The following XKR7 variants were observed in gnomAD, a reference collection of about 807,000 sequenced individuals.
The protein encoded by XKR7 is XK-related protein 7.
In XKR7, 11 loss-of-function variants were observed where a neutral mutation model predicts 42.2. The observed-to-expected ratio is 0.26, with a 90% CI of 0.16 to 0.43. XKR7 has a LOEUF of 0.43. Among genes scored for constraint, XKR7 ranks in the 20% least tolerant of loss-of-function variants. The pLI is 1.00. For synonymous variants in XKR7, 346 were observed against 366.4 expected, an observed-to-expected ratio of 0.94 and a Z score of 0.64; for missense variants, 710 against 802.2, an observed-to-expected ratio of 0.89 and a Z score of 1.39.
chr20:31,996,855 A>G lies in XKR7; in HGVS notation c.1138A>G (p.Ser380Gly). The change falls in exon 3 of 3, where the codon AGC becomes GGC. Residue 380 changes from serine (S) to glycine (G), a missense_variant. Transcript: ENST00000562532. ...FCWFNVKEGR[S>G]RRRMTLYHCI... is the part of the protein sequence containing the mutation. Reference sequence around the variant, plus strand: ...CTGGTTCAACGTCAAGGAGGGCCGCAGCCGCCGCCGCATGACCCTCTACCA... The same window carrying G: ...CTGGTTCAACGTCAAGGAGGGCCGCGGCCGCCGCCGCATGACCCTCTACCA... The G allele has an allele frequency of 6.2e-7, 1 of 1,613,778 alleles. No individual in the cohort carries two copies. The highest frequency in any genetic ancestry group is 8.5e-7 in the Non-Finnish European group (1 of 1,180,006).
At chr20:31,992,201 A>G (rs1198784835) in intron 1 of XKR7, among the ~76,000 whole-genome samples, 1 of 152,208 alleles carries the variant, frequency 6.6e-6, no homozygotes, top group Non-Finnish European at 1.5e-5. Context: ...ATCTTATAGC[A>G]TTATTTCACT....
At chr20:31,985,597 A>G (rs2064534313) in intron 1 of XKR7, among the ~76,000 whole-genome samples, 1 of 151,002 alleles carries the variant, frequency 6.6e-6, no homozygotes, top group Non-Finnish European at 1.5e-5. Context: ...CAGACAGACC[A>G]CCGAACAGAT....
At chr20:31,979,902 ACTGAGGTCC>A (rs1317384962) in intron 1 of XKR7, among the ~76,000 whole-genome samples, 2 of 152,062 alleles carry the variant, frequency 1.3e-5, no homozygotes, top group African/African-American at 4.8e-5. Context: ...AGATGGGGAA[ACTGAGGTCC>A]AGAGAGGAGA....
rs1023665562 is a variant in XKR7 at position 32,001,337 on chromosome 20, T to G, written c.*3880T>G. ...GGAGAGTGAGTGTGTGCCCTGCCTG[T>G]AGGTACTAAAATTCAAATGTTTGGG... On this transcript the variant is annotated 3_prime_UTR_variant, in exon 3 of 3. Coordinates refer to ENST00000562532, the MANE Select transcript of XKR7 (RefSeq NM_001011718.2). The G allele has an allele frequency of 6.6e-6, 1 of 152,166 alleles. No individual in the cohort carries two copies. The highest frequency in any genetic ancestry group is 1.5e-5 in the Non-Finnish European group (1 of 68,056). The allele number at this position is 152,166 out of a possible 1,614,324, so 9.4% of individuals were successfully genotyped here.
At chr20:31,987,139 C>G (rs1267956583) in intron 1 of XKR7, among the ~76,000 whole-genome samples, 2 of 150,510 alleles carry the variant, frequency 1.3e-5, no homozygotes, top group Non-Finnish European at 2.9e-5. Flanking sequence ...AGACAGACCA[C>G]CAAACAGACC....
At chr20:31,974,059 G>C (rs1281950913) in intron 1 of XKR7, among the ~76,000 whole-genome samples, 1 of 152,158 alleles carries the variant, frequency 6.6e-6, no homozygotes, top group African/African-American at 2.4e-5. Context: ...TGGGCATGGT[G>C]GTGCGCACCT....
At chr20:31,989,654 C>T (rs2122273488) in intron 1 of XKR7, among the ~76,000 whole-genome samples, 1 of 152,252 alleles carries the variant, frequency 6.6e-6, no homozygotes, top group African/African-American at 2.4e-5. Flanking sequence ...CACCCTGTCA[C>T]CCAGGCTGGA....
In XKR7 at chr20:31,997,485, AGGCTT is replaced by A; in HGVS notation, c.*33_*37del. On this transcript the variant is annotated 3_prime_UTR_variant, in exon 3 of 3. Transcript: ENST00000562532. Reference sequence around the variant, plus strand: ...TACAGTGTCCCAGCACAAAAGGGACAGGCTTGGCTGATCCCACATCCGCCGCAGTG... The same window carrying A: ...TACAGTGTCCCAGCACAAAAGGGACAGGCTGATCCCACATCCGCCGCAGTG... 1.3e-6 allele frequency: 2 copies of A among 1,554,354 alleles called. No homozygotes were observed. Among genetic ancestry groups the A allele is most frequent in the Non-Finnish European group, 1.7e-6 (2 of 1,153,578 alleles).
chr20:31,982,364 T>C (rs890871577), intron 1 of XKR7, among the ~76,000 whole-genome samples: 1 of 151,754 alleles, frequency 6.6e-6, no homozygotes, highest in African/African-American at 2.4e-5. Context: ...CTACTAAAAA[T>C]ACACAAATCA....
At chr20:31,996,188 C>T (rs1293405666) in intron 2 of XKR7, among the ~76,000 whole-genome samples, 2 of 151,880 alleles carry the variant, frequency 1.3e-5, no homozygotes, top group African/African-American at 4.8e-5. Flanking sequence ...CCCTCATTTC[C>T]CACCCTCCCA....
rs2064602373 is a variant in XKR7 at position 31,997,698 on chromosome 20, A to G, written c.*241A>G. 1 of 531,350 alleles carries G rather than the reference A, an allele frequency of 1.9e-6. No individual in the cohort carries two copies. Among genetic ancestry groups the G allele is most frequent in the African/African-American group, 1.9e-5 (1 of 52,728 alleles). The allele number at this position is 531,350 out of a possible 1,614,324, so 32.9% of individuals were successfully genotyped here. ...ATTCCCCTGACCCAGGGCCTGGGGAATCATCTGGTGCTACACTTTTCGAGC... is the reference window on the plus strand; with the variant it reads ...ATTCCCCTGACCCAGGGCCTGGGGAGTCATCTGGTGCTACACTTTTCGAGC... On this transcript the variant is annotated 3_prime_UTR_variant, in exon 3 of 3. Coordinates refer to ENST00000562532, the MANE Select transcript of XKR7 (RefSeq NM_001011718.2).
In XKR7 at chr20:31,968,747, G is replaced by T; in HGVS notation, c.572G>T (p.Gly191Val). 6.5e-7 allele frequency: 1 copy of T among 1,529,872 alleles called. No homozygotes were observed. Among genetic ancestry groups the T allele is most frequent in the Non-Finnish European group, 8.7e-7 (1 of 1,145,820 alleles). The allele number at this position is 1,529,872 out of a possible 1,614,324, so 94.8% of individuals were successfully genotyped here. ...LQTLVHLLQL[G>V]QVWRYLRALY... ...ACCCTCGTCCACCTCCTGCAGCTCG[G>T]CCAGGTCTGGAGGTAGGAGAAGCGC... The change falls in exon 1 of 3, where the codon GGC becomes GTC. Residue 191 changes from glycine (G) to valine (V), a missense_variant. Gly to Val is a moderately radical substitution (Grantham distance 109). Around this residue, in one of 2 missense-constraint regions of XKR7, gnomAD observed 708 missense variants for 786.2 expected, o/e 0.90. Coordinates refer to ENST00000562532, the MANE Select transcript of XKR7 (RefSeq NM_001011718.2). The surrounding 1 kb of genome is among the most constrained non-coding windows in gnomAD (Gnocchi z 4.5).
chr20:31,970,745 T>C (rs1425533346), intron 1 of XKR7: 1 of 152,224 alleles, frequency 6.6e-6, no homozygotes, highest in Non-Finnish European at 1.5e-5. Context: ...TTTGATCATA[T>C]CTGTACTATT....
At chr20:31,980,040 G>A (rs2064504424) in intron 1 of XKR7, among the ~76,000 whole-genome samples, 1 of 151,546 alleles carries the variant, frequency 6.6e-6, no homozygotes, top group African/African-American at 2.4e-5. Flanking sequence ...CGCTGGCTGG[G>A]AGCTGATGAG....
rs1248005875 is a variant in XKR7 at position 31,997,095 on chromosome 20, G to A, written c.1378G>A (p.Glu460Lys). 6.2e-7 allele frequency: 1 copy of A among 1,613,318 alleles called. No homozygotes were observed. The highest frequency in any genetic ancestry group is 8.5e-7 in the Non-Finnish European group (1 of 1,180,012). ...APGCIFRKAS[E>K]PCGPPADAIT... ...TGGTTGCATCTTCCGTAAGGCCTCA[G>A]AGCCCTGTGGCCCACCCGCTGACGC... Residue 460 changes from glutamate to lysine, a missense_variant, in exon 3 of 3, where the codon GAG becomes AAG. By Grantham distance (56) the Glu-to-Lys change is moderately conservative. Coordinates refer to ENST00000562532, the MANE Select transcript of XKR7 (RefSeq NM_001011718.2).
intron 1 of XKR7, among the ~76,000 whole-genome samples, chr20:31,990,834 T>C (rs2064567301): frequency 6.6e-6 from 1 of 152,176 alleles, no homozygotes; most frequent in Admixed American, 6.5e-5. Flanking sequence ...TCACAGGCCC[T>C]TGGCAGAGAG....
chr20:31,979,071 G>T (rs141547239), intron 1 of XKR7, among the ~76,000 whole-genome samples: 3,508 of 151,772 alleles, frequency 0.023, 44 homozygotes, highest in Non-Finnish European at 0.035. Flanking sequence ...GGAGGCGGAG[G>T]TTGCAGTGAG....
chr20:31,997,575 T>A lies in XKR7; in HGVS notation c.*118T>A. 1.6e-5 allele frequency: 16 copies of A among 994,340 alleles called. No individual in the cohort carries two copies. The highest frequency in any genetic ancestry group is 2.3e-5 in the Non-Finnish European group (16 of 694,696). 61.6% of individuals were successfully genotyped at this position (994,340 alleles called of 1,614,324 possible). A position where few individuals can be genotyped will look rare whatever the true frequency, so the allele number is the denominator to read the frequency against. On this transcript the variant is annotated 3_prime_UTR_variant, in exon 3 of 3. Coordinates refer to ENST00000562532, the MANE Select transcript of XKR7 (RefSeq NM_001011718.2). ...GGGAGTGGATCTGTTGGTCCAAGGG[T>A]AGAGTGGCCCCACTCTTGGGTTCTT...
chr20:31,968,725 C>A lies in XKR7; in HGVS notation c.550C>A (p.Leu184Ile). 6.4e-7 allele frequency: 1 copy of A among 1,551,904 alleles called. No homozygotes were observed. The highest frequency in any genetic ancestry group is 1.9e-5 in the Admixed American group (1 of 53,502). Residue 184 changes from leucine to isoleucine, a missense_variant, in exon 1 of 3, where the codon CTC (leucine) becomes ATC (isoleucine). Physicochemically the swap from Leu to Ile is conservative, Grantham distance 5. Around this residue, in one of 2 missense-constraint regions of XKR7, gnomAD observed 708 missense variants for 786.2 expected, o/e 0.90. Transcript: ENST00000562532. The surrounding 1 kb of genome is among the most constrained non-coding windows in gnomAD (Gnocchi z 4.5). ...CCTCTGCATCTGGCTGCTGCAGACC[C>A]TCGTCCACCTCCTGCAGCTCGGCCA... ...CRLCIWLLQTLVHLLQLGQVW... is the reference protein window; with the variant it reads ...CRLCIWLLQTIVHLLQLGQVW...
Sources: allele counts gnomAD v4.1 joint callset (sites outside exome capture counted in the v4.1 genomes callset), GRCh38; gene constraint gnomAD v4.1.1; regional missense constraint gnomAD v4.1.1; non-coding constraint Gnocchi (gnomAD v3.1); transcripts MANE v1.5; gene names NCBI Gene and HGNC (gene_info 2026-07-23, HGNC 2026-07-21).